The following PTPRM variants were observed in gnomAD, a reference collection of about 807,000 sequenced individuals.
PTPRM encodes the protein protein tyrosine phosphatase receptor type M, also known as receptor-type tyrosine-protein phosphatase mu.
PTPRM carries 47 observed loss-of-function variants against 186.7 expected under a neutral mutation model. That is an observed-to-expected ratio of 0.25 (90% CI 0.20 to 0.32). The LOEUF (loss-of-function observed/expected upper bound fraction) is 0.32, where lower values mean the gene tolerates loss of function less well. PTPRM is among the 10% of genes least tolerant of loss of function. The probability of loss-of-function intolerance (pLI) is 1.00; values close to 1 mark genes in which losing one functional copy is unlikely to be tolerated. For missense variants in PTPRM, 1,494 were observed against 1,865.0 expected, an observed-to-expected ratio of 0.80 and a Z score of 3.66; for synonymous variants, 668 against 674.9, an observed-to-expected ratio of 0.99 and a Z score of 0.16.
intron 4 of PTPRM, among the ~76,000 whole-genome samples, chr18:7,922,605 T>G (rs1568018429): frequency 6.6e-6 from 1 of 152,192 alleles, no homozygotes; most frequent in Non-Finnish European, 1.5e-5. Context: ...CAGAAATTTT[T>G]CATGTCTCTG....
At chr18:8,033,965 G>T (rs541724285) in intron 7 of PTPRM, among the ~76,000 whole-genome samples, 1 of 152,130 alleles carries the variant, frequency 6.6e-6, no homozygotes, top group East Asian at 1.9e-4. Flanking sequence ...GCCACGTGCT[G>T]GTTCATTGGT....
chr18:8,227,691 C>A (rs1227919035), intron 14 of PTPRM, among the ~76,000 whole-genome samples: 1 of 152,192 alleles, frequency 6.6e-6, no homozygotes, highest in African/African-American at 2.4e-5. Context: ...ATATGACATG[C>A]ATTAAAAATT....
chr18:7,809,166 C>G (rs1421372482), intron 2 of PTPRM, among the ~76,000 whole-genome samples: 1 of 152,180 alleles, frequency 6.6e-6, no homozygotes, highest in African/African-American at 2.4e-5. Flanking sequence ...CTTTCTCTCT[C>G]ATCAGCCCCC....
intron 5 of PTPRM, among the ~76,000 whole-genome samples, chr18:7,928,522 C>T (rs1248695298): frequency 6.6e-6 from 1 of 152,134 alleles, no homozygotes; most frequent in African/African-American, 2.4e-5. Context: ...AGACAAACAT[C>T]TTCTATTGAC....
At chr18:7,809,205 G>A (rs1010644039) in intron 2 of PTPRM, among the ~76,000 whole-genome samples, 1 of 152,078 alleles carries the variant, frequency 6.6e-6, no homozygotes, top group Non-Finnish European at 1.5e-5. Flanking sequence ...CCAGGATGCC[G>A]GTAGGAGGCG....
At chr18:7,714,848 C>T (rs2040290385) in intron 1 of PTPRM, among the ~76,000 whole-genome samples, 1 of 152,172 alleles carries the variant, frequency 6.6e-6, no homozygotes, top group Non-Finnish European at 1.5e-5. Context: ...AGACCAATAA[C>T]AAGTTCTGAA....
At chr18:7,597,243 T>C (rs1183596777) in intron 1 of PTPRM, among the ~76,000 whole-genome samples, 1 of 152,194 alleles carries the variant, frequency 6.6e-6, no homozygotes, top group Non-Finnish European at 1.5e-5. Context: ...ACTACTTTTA[T>C]GAGCAGCAGT....
chr18:8,191,209 C>T (rs2093704989), intron 14 of PTPRM, among the ~76,000 whole-genome samples: 1 of 152,208 alleles, frequency 6.6e-6, no homozygotes, highest in Non-Finnish European at 1.5e-5. Context: ...CCTGAGCCAC[C>T]TATGGCCTCA....
chr18:8,148,151 T>C (rs1264540894), intron 14 of PTPRM, among the ~76,000 whole-genome samples: 4 of 152,212 alleles, frequency 2.6e-5, no homozygotes, highest in Non-Finnish European at 5.9e-5. Context: ...ATCAGGATGA[T>C]GTTGGCCTCA....
At chr18:7,859,496 G>A (rs1176910242) in intron 2 of PTPRM, among the ~76,000 whole-genome samples, 1 of 152,208 alleles carries the variant, frequency 6.6e-6, no homozygotes, top group Non-Finnish European at 1.5e-5. Flanking sequence ...TGGCATTACT[G>A]CCTGGCACCT....
intron 19 of PTPRM, among the ~76,000 whole-genome samples, chr18:8,265,382 T>C (rs1350646336): frequency 6.6e-6 from 1 of 152,214 alleles, no homozygotes; most frequent in Non-Finnish European, 1.5e-5. Flanking sequence ...CTACAGCTCT[T>C]GAGAGCCGTA....
chr18:8,315,273 G>A (rs1460082990), intron 21 of PTPRM, among the ~76,000 whole-genome samples: 1 of 152,108 alleles, frequency 6.6e-6, no homozygotes, highest in African/African-American at 2.4e-5. Context: ...ATATTAATGG[G>A]ACAAAACTCT....
chr18:8,396,597 G>T (rs2095846541), intron 32 of PTPRM, among the ~76,000 whole-genome samples: 1 of 152,186 alleles, frequency 6.6e-6, no homozygotes, highest in African/African-American at 2.4e-5. Flanking sequence ...AAGGGAGCTT[G>T]CGGTCCCAGC....
chr18:8,399,825 G>A (rs1242432388), intron 32 of PTPRM: 1 of 152,172 alleles, frequency 6.6e-6, no homozygotes, highest in Non-Finnish European at 1.5e-5. Context: ...CATGATGTGT[G>A]GAAAAGGTAA....
intron 19 of PTPRM, among the ~76,000 whole-genome samples, chr18:8,289,827 T>A (rs1250410981): frequency 6.6e-6 from 1 of 152,032 alleles, no homozygotes; most frequent in East Asian, 1.9e-4. Flanking sequence ...ATTAGCAGCT[T>A]CTTTAAAAGA....
chr18:7,811,578 C>G (rs937833819), intron 2 of PTPRM, among the ~76,000 whole-genome samples: 7 of 152,116 alleles, frequency 4.6e-5, no homozygotes, highest in Non-Finnish European at 1.0e-4. Flanking sequence ...GTTGCCTAAG[C>G]TGGTCCAAAC....
intron 22 of PTPRM, among the ~76,000 whole-genome samples, chr18:8,329,260 T>C (rs1428734271): frequency 1.3e-5 from 2 of 152,210 alleles, no homozygotes; most frequent in Non-Finnish European, 2.9e-5. Flanking sequence ...GTTTTGTTAT[T>C]ATAACAGTTG....
chr18:8,326,559 ACAG>A (rs2095378007), intron 22 of PTPRM, among the ~76,000 whole-genome samples: 1 of 152,216 alleles, frequency 6.6e-6, no homozygotes, highest in South Asian at 2.1e-4. Context: ...AGTAACCAAA[ACAG>A]CATGGTACTG....
chr18:7,782,499 G>T (rs929194208), intron 2 of PTPRM, among the ~76,000 whole-genome samples: 1 of 152,176 alleles, frequency 6.6e-6, no homozygotes, highest in Non-Finnish European at 1.5e-5. Flanking sequence ...CATTATAAAT[G>T]CATTCACATT....
Sources: allele counts gnomAD v4.1 joint callset (sites outside exome capture counted in the v4.1 genomes callset), GRCh38; gene constraint gnomAD v4.1.1; transcripts MANE v1.5; gene names NCBI Gene and HGNC (gene_info 2026-07-23, HGNC 2026-07-21).